Variants in PARD3B observed in about 807,000 individuals in gnomAD.
PARD3B encodes the protein partitioning defective 3 homolog B.
Under a neutral mutation model 130.2 loss-of-function variants are expected in PARD3B, and 103 were observed. The observed-to-expected ratio is 0.79, with a 90% CI of 0.67 to 0.93. The LOEUF (loss-of-function observed/expected upper bound fraction) is 0.93, where lower values mean the gene tolerates loss of function less well. PARD3B is among the 40% of genes least tolerant of loss of function. PARD3B has a pLI of 0.00. For missense variants in PARD3B, 1,609 were observed against 1,499.2 expected (o/e 1.07, Z -1.21); for synonymous variants, 583 against 553.2 (o/e 1.05, Z -0.76).
chr2:205,459,943 C>T (rs2048394948), intron 20 of PARD3B, among the ~76,000 whole-genome samples: 1 of 152,098 alleles, frequency 6.6e-6, no homozygotes, highest in African/African-American at 2.4e-5. Context: ...GGCAGTGAGG[C>T]CAGTGTTGGT....
chr2:205,593,233 A>G (rs1440366918), intron 22 of PARD3B, among the ~76,000 whole-genome samples: 1 of 152,246 alleles, frequency 6.6e-6, no homozygotes, highest in African/African-American at 2.4e-5. Flanking sequence ...TTCTACCAGA[A>G]AAAATACTAG....
At position 205,366,015 on chromosome 2, in the gene PARD3B, G is replaced by A. The variant is rs1422441905; in HGVS notation, c.2631-34998G>A. On this transcript the variant is annotated intron_variant, in intron 18 of 22. Transcript: ENST00000406610. This position sits in a 1 kb window ranked among gnomAD's most constrained non-coding sequence, Gnocchi z 5.0. ...ATAATCAGTGACAAAATCAGCCAAA[G>A]CAAAAGATTATCCATTTATCCTATC... Among the ~76,000 whole-genome samples the A allele has an allele frequency of 3.3e-5, 5 of 152,058 alleles. No homozygotes were observed. The highest frequency in any genetic ancestry group is 1.2e-4 in the African/African-American group (5 of 41,400).
At chr2:204,682,028 T>C (rs2036857844) in intron 1 of PARD3B, among the ~76,000 whole-genome samples, 2 of 152,246 alleles carry the variant, frequency 1.3e-5, no homozygotes, top group South Asian at 2.1e-4. Flanking sequence ...CAGACCCACT[T>C]AAGCAAAGAA....
intron 2 of PARD3B, among the ~76,000 whole-genome samples, chr2:204,828,717 C>G (rs899200805): frequency 2.0e-5 from 3 of 152,152 alleles, no homozygotes; most frequent in Non-Finnish European, 4.4e-5. Context: ...GAAGATTAAT[C>G]TTTGATCTTT....
intron 21 of PARD3B, among the ~76,000 whole-genome samples, chr2:205,548,061 T>C (rs1388277742): frequency 6.6e-6 from 1 of 152,178 alleles, no homozygotes; most frequent in Non-Finnish European, 1.5e-5. Flanking sequence ...TAAAACATTT[T>C]CCTGGTTTTC....
At chr2:205,477,831 G>A (rs942729480) in intron 20 of PARD3B, among the ~76,000 whole-genome samples, 1 of 152,234 alleles carries the variant, frequency 6.6e-6, no homozygotes, top group African/African-American at 2.4e-5. Context: ...CATGTGCTTG[G>A]ATAAAGCTTT....
chr2:204,646,583 T>A (rs1197846993), intron 1 of PARD3B, among the ~76,000 whole-genome samples: 1 of 152,088 alleles, frequency 6.6e-6, no homozygotes, highest in African/African-American at 2.4e-5. Context: ...AGGGTTGTGA[T>A]GAATATTCTG....
intron 2 of PARD3B, among the ~76,000 whole-genome samples, chr2:204,786,683 A>G (rs1485009433): frequency 1.3e-5 from 2 of 151,374 alleles, no homozygotes; most frequent in Non-Finnish European, 2.9e-5. Context: ...TTTAACTTAA[A>G]TAAAAATCAT....
intron 1 of PARD3B, among the ~76,000 whole-genome samples, chr2:204,622,148 T>C (rs899833152): frequency 2.6e-5 from 4 of 152,174 alleles, no homozygotes; most frequent in Non-Finnish European, 4.4e-5. Flanking sequence ...CCTTTCTAAT[T>C]AGATAGACAG....
intron 2 of PARD3B, among the ~76,000 whole-genome samples, chr2:204,902,444 C>T (rs2125708079): frequency 6.6e-6 from 1 of 152,076 alleles, no homozygotes; most frequent in East Asian, 1.9e-4. Context: ...CCGAAGCGGG[C>T]GGATCACGAG....
chr2:204,765,687 T>C (rs2041115281), intron 2 of PARD3B, among the ~76,000 whole-genome samples: 1 of 152,198 alleles, frequency 6.6e-6, no homozygotes, highest in Non-Finnish European at 1.5e-5. Flanking sequence ...TTAATTTTCT[T>C]TTGTTTAAGG....
chr2:205,036,635 G>A (rs1170884814), intron 3 of PARD3B, among the ~76,000 whole-genome samples: 1 of 146,404 alleles, frequency 6.8e-6, no homozygotes, highest in Non-Finnish European at 1.5e-5. Context: ...CGGACTGTAT[G>A]TACAAAAAGT....
chr2:204,571,398 A>G (rs1472940585), intron 1 of PARD3B, among the ~76,000 whole-genome samples: 4 of 152,180 alleles, frequency 2.6e-5, no homozygotes, highest in African/African-American at 9.7e-5. Context: ...AAGTACTAAT[A>G]ACTTTTACAT....
intron 16 of PARD3B, among the ~76,000 whole-genome samples, chr2:205,259,580 C>T (rs1265020596): frequency 6.6e-6 from 1 of 152,010 alleles, no homozygotes; most frequent in African/African-American, 2.4e-5. Context: ...TGGTATGACT[C>T]CCATGGCTTT....
chr2:205,610,926 G>T (rs904621513), intron 22 of PARD3B, among the ~76,000 whole-genome samples: 1 of 152,074 alleles, frequency 6.6e-6, no homozygotes, highest in South Asian at 2.1e-4. Flanking sequence ...TATGTGTGTG[G>T]GTTTTCTCTT....
intron 2 of PARD3B, among the ~76,000 whole-genome samples, chr2:204,829,916 G>A (rs1184169213): frequency 6.7e-6 from 1 of 149,686 alleles, no homozygotes; most frequent in Non-Finnish European, 1.5e-5. Flanking sequence ...GGAGAATGGC[G>A]TGAACCCGGG....
intron 18 of PARD3B, among the ~76,000 whole-genome samples, chr2:205,379,545 CTAT>C (rs1162286411): frequency 2.6e-5 from 4 of 151,908 alleles, no homozygotes; most frequent in Non-Finnish European, 4.4e-5. Flanking sequence ...AAGATATGAG[CTAT>C]TATTTTACAT....
At chr2:205,175,699 A>G (rs951472743) in intron 12 of PARD3B, among the ~76,000 whole-genome samples, 1 of 152,194 alleles carries the variant, frequency 6.6e-6, no homozygotes. Context: ...GAACAAGAGC[A>G]TACCCTAATT....
intron 10 of PARD3B, among the ~76,000 whole-genome samples, chr2:205,130,668 C>T (rs2031911779): frequency 1.3e-5 from 2 of 152,124 alleles, no homozygotes; most frequent in African/African-American, 4.8e-5. Context: ...ACAGCAACCC[C>T]TGGTGGGTAA....
Sources: gnomAD v4.1 joint callset for allele counts (sites outside exome capture counted in the v4.1 genomes callset) on GRCh38, gnomAD v4.1.1 for gene constraint, Gnocchi (gnomAD v3.1) non-coding constraint, MANE v1.5 for transcripts, NCBI Gene and HGNC (gene_info 2026-07-23, HGNC 2026-07-21) for gene names.